LRRC4C: variants seen among roughly 807,000 people sequenced by gnomAD.
LRRC4C encodes the protein leucine-rich repeat-containing protein 4C.
In LRRC4C, 5 loss-of-function variants were observed where a neutral mutation model predicts 33.6. The ratio of observed to expected loss-of-function variants is 0.15; its 90% CI spans 0.08 to 0.31. The LOEUF (loss-of-function observed/expected upper bound fraction) is 0.31, where lower values mean the gene tolerates loss of function less well. Ranked by LOEUF, LRRC4C falls within the 10% of genes least tolerant of loss-of-function variation. The pLI is 1.00. For missense variants in LRRC4C, 560 were observed against 796.7 expected, an observed-to-expected ratio of 0.70 and a Z score of 3.58; for synonymous variants, 329 against 302.0, an observed-to-expected ratio of 1.09 and a Z score of -0.93.
At chr11:40,550,552 A>G (rs541974780) in intron 3 of LRRC4C, among the ~76,000 whole-genome samples, 1 of 152,332 alleles carries the variant, frequency 6.6e-6, no homozygotes, top group South Asian at 2.1e-4. Context: ...ATATGTGGAA[A>G]AGCAGGAAGT....
chr11:40,530,140 C>A (rs1956215397), intron 3 of LRRC4C, among the ~76,000 whole-genome samples: 1 of 151,776 alleles, frequency 6.6e-6, no homozygotes. Flanking sequence ...AAACAAATGC[C>A]CAGAATTCAA....
chr11:40,155,741 A>C, intron 5 of LRRC4C, among the ~76,000 whole-genome samples: 1 of 152,136 alleles, frequency 6.6e-6, no homozygotes, highest in Non-Finnish European at 1.5e-5. Flanking sequence ...AAAGTCCAAG[A>C]CCAGACGGAT....
chr11:40,212,004 T>C (rs912777363), intron 5 of LRRC4C, among the ~76,000 whole-genome samples: 5 of 152,208 alleles, frequency 3.3e-5, no homozygotes, highest in Admixed American at 1.3e-4. Flanking sequence ...TGGGACAGAA[T>C]AAACCCTATG....
intron 3 of LRRC4C, among the ~76,000 whole-genome samples, chr11:40,627,170 C>A (rs1963019946): frequency 6.9e-6 from 1 of 144,320 alleles, no homozygotes; most frequent in Non-Finnish European, 1.5e-5. Context: ...TCTAGGGTTA[C>A]ATTTTATCCT....
intron 2 of LRRC4C, among the ~76,000 whole-genome samples, chr11:40,892,800 T>A (rs12803632): frequency 0.015 from 2,290 of 152,296 alleles, 35 homozygotes; most frequent in Non-Finnish European, 0.025. Flanking sequence ...TATAAGTTAT[T>A]GTTTAATGAG....
chr11:40,634,654 G>C (rs1278574794), intron 3 of LRRC4C, among the ~76,000 whole-genome samples: 1 of 152,024 alleles, frequency 6.6e-6, no homozygotes, highest in East Asian at 1.9e-4. Context: ...AAGATCCCTT[G>C]AGCCCGGGAG....
At position 40,395,174 on chromosome 11, in the gene LRRC4C, T is replaced by C. The variant is rs190183748; in HGVS notation, c.-269-75453A>G. 2.0e-4 allele frequency among the ~76,000 whole-genome samples: 30 copies of C among 152,276 alleles called. 2 individuals carry two copies. The East Asian group carries it at 5.8e-3, about 29-fold the overall frequency. ...TTCTAAGGTATAAAATGTGTATAGT[T>C]AGGGAATCCTTAAATTTAATTCAAA... On this transcript the variant is annotated intron_variant, in intron 3 of 6. Transcript: ENST00000528697.
rs1181331246 is a variant in LRRC4C at position 41,099,378 on chromosome 11, TA to T, written c.-495-165656del. Among the ~76,000 whole-genome samples the T allele has an allele frequency of 5.8e-3, 650 of 112,674 alleles. 2 individuals carry two copies. The highest frequency in any genetic ancestry group is 0.019 in the African/African-American group (548 of 28,498). The allele number at this position is 112,674 out of a possible 152,430, so 73.9% of individuals were successfully genotyped here. On this transcript the variant is annotated intron_variant, in intron 1 of 6. Coordinates refer to ENST00000528697, the MANE Select transcript of LRRC4C (RefSeq NM_001258419.2). Reference sequence around the variant, plus strand: ...CTGATACCAAAACCTGGCAGAGACATAAAAAAAAAAAGAAAAAAAAAAACTT... The same window carrying T: ...CTGATACCAAAACCTGGCAGAGACATAAAAAAAAAAGAAAAAAAAAAACTT...
At chr11:40,243,260 C>A (rs1226804276) in intron 4 of LRRC4C, among the ~76,000 whole-genome samples, 1 of 152,114 alleles carries the variant, frequency 6.6e-6, no homozygotes, top group African/African-American at 2.4e-5. Flanking sequence ...AATTTTCAAG[C>A]AATTTTAGCA....
At chr11:41,184,833 A>C (rs1422859811) in intron 1 of LRRC4C, among the ~76,000 whole-genome samples, 1 of 142,416 alleles carries the variant, frequency 7.0e-6, no homozygotes, top group Non-Finnish European at 1.6e-5. Context: ...AAAAAAAAAA[A>C]GGTTTAATGG....
chr11:41,080,588 G>A (rs1314832109), intron 1 of LRRC4C, among the ~76,000 whole-genome samples: 1 of 151,980 alleles, frequency 6.6e-6, no homozygotes, highest in Non-Finnish European at 1.5e-5. Context: ...CCCGACCTCA[G>A]GTGGTTTGCC....
intron 1 of LRRC4C, among the ~76,000 whole-genome samples, chr11:41,308,994 G>C (rs1950577990): frequency 6.6e-6 from 1 of 152,058 alleles, no homozygotes; most frequent in Non-Finnish European, 1.5e-5. Context: ...AGTAGAGATG[G>C]GGTTTCTTCA....
chr11:40,659,336 T>C (rs1056100600), intron 2 of LRRC4C, among the ~76,000 whole-genome samples: 1 of 152,080 alleles, frequency 6.6e-6, no homozygotes, highest in South Asian at 2.1e-4. Flanking sequence ...GTGGATGGCA[T>C]GTTGATGGCA....
At chr11:40,665,352 ATATATATATATG>A (rs1267729952) in intron 2 of LRRC4C, among the ~76,000 whole-genome samples, 1,443 of 17,278 alleles carry the variant, frequency 0.084, 67 homozygotes, top group Non-Finnish European at 0.11. Flanking sequence ...ATATATATAT[ATATATATATATG>A]TATATATATA....
At chr11:41,186,936 G>C (rs1307126167) in intron 1 of LRRC4C, among the ~76,000 whole-genome samples, 1 of 152,094 alleles carries the variant, frequency 6.6e-6, no homozygotes, top group African/African-American at 2.4e-5. Context: ...ATATACGTCT[G>C]ATAAATCAAA....
chr11:41,341,282 G>A lies in LRRC4C; in HGVS notation c.-496+118149C>T, dbSNP rs79695889. 1.3e-3 allele frequency among the ~76,000 whole-genome samples: 196 copies of A among 151,994 alleles called. 5 individuals are homozygous for A. The East Asian group carries it at 0.032, about 25-fold the overall frequency. ...TTTAAAATATACTGTAAGTGTTTTC[G>A]ATTAAAAAAACTAAAAAATAGATCA... On this transcript the variant is annotated intron_variant, in intron 1 of 6. Coordinates refer to ENST00000528697, the MANE Select transcript of LRRC4C (RefSeq NM_001258419.2).
intron 2 of LRRC4C, among the ~76,000 whole-genome samples, chr11:40,672,989 T>C (rs2136283964): frequency 6.6e-6 from 1 of 151,820 alleles, no homozygotes; most frequent in East Asian, 1.9e-4. Context: ...TCCATGAAGC[T>C]CTTAAAAAAT....
intron 1 of LRRC4C, among the ~76,000 whole-genome samples, chr11:41,288,539 AC>A (rs1416719513): frequency 6.6e-6 from 1 of 152,092 alleles, no homozygotes; most frequent in Non-Finnish European, 1.5e-5. Context: ...AGTACTCTCT[AC>A]CCCAGAATAT....
rs141723347 is a variant in LRRC4C, at chr11:40,265,296, T to G, written c.-175-23698A>C. On this transcript the variant is annotated intron_variant, in intron 4 of 6. Transcript: ENST00000528697. ...TGTCCTTTTGCTTTGCCTTGTGCAT[T>G]TATGTGCGGACTTTCCCGTGTCATT... is the stretch of plus-strand genomic sequence containing the variant. Among the ~76,000 whole-genome samples the G allele has an allele frequency of 3.0e-4, 46 of 152,350 alleles. No homozygotes were observed. The East Asian group carries it at 4.2e-3, about 14-fold the overall frequency.
Sources: gnomAD v4.1 joint callset for allele counts (sites outside exome capture counted in the v4.1 genomes callset) on GRCh38, gnomAD v4.1.1 for gene constraint, MANE v1.5 for transcripts, NCBI Gene and HGNC (gene_info 2026-07-23, HGNC 2026-07-21) for gene names.